DSE: variants seen among roughly 807,000 people sequenced by gnomAD.
DSE encodes dermatan-sulfate epimerase.
DSE carries 36 observed loss-of-function variants against 84.4 expected under a neutral mutation model. The ratio of observed to expected loss-of-function variants is 0.43; its 90% CI spans 0.33 to 0.56. The LOEUF (loss-of-function observed/expected upper bound fraction) is 0.56. Ranked by LOEUF, DSE falls within the 20% of genes least tolerant of loss-of-function variation. The probability of loss-of-function intolerance (pLI) is 0.06; values close to 1 mark genes in which losing one functional copy is unlikely to be tolerated. For missense variants in DSE, 862 were observed against 1,169.6 expected, an observed-to-expected ratio of 0.74 and a Z score of 3.84; for synonymous variants, 410 against 430.1, an observed-to-expected ratio of 0.95 and a Z score of 0.58.
chr6:116,309,546 A>ATTTGGTTT (rs1775546801), intron 2 of DSE, among the ~76,000 whole-genome samples: 2 of 152,236 alleles, frequency 1.3e-5, no homozygotes, highest in Admixed American at 6.5e-5. Flanking sequence ...CCCAAATATA[A>ATTTGGTTT]AAATAACACA....
At chr6:116,330,238 A>G (rs922857737) in intron 2 of DSE, among the ~76,000 whole-genome samples, 1 of 152,214 alleles carries the variant, frequency 6.6e-6, no homozygotes, top group African/African-American at 2.4e-5. Context: ...GAATAAATGA[A>G]AACTTTCACT....
chr6:116,360,320 T>C (rs1010800527), intron 2 of DSE, among the ~76,000 whole-genome samples: 1 of 152,180 alleles, frequency 6.6e-6, no homozygotes, highest in African/African-American at 2.4e-5. Flanking sequence ...AAACACATCC[T>C]GCACATGTAC....
intron 1 of DSE, chr6:116,257,462 C>T (rs2114587370): frequency 6.6e-6 from 1 of 152,328 alleles, no homozygotes; most frequent in East Asian, 1.9e-4. Flanking sequence ...TAATGTTGAA[C>T]TTTCTTCTTT....
Position 116,436,509 on chromosome 6 carries a change from C to G in DSE, c.2041C>G (p.Gln681Glu), listed in dbSNP as rs139942074. ...GAGCTTCACTGTCCACGGAGACTCTCAGCAACTGGATGTGTTCATAGCCAC... is the reference window on the plus strand; with the variant it reads ...GAGCTTCACTGTCCACGGAGACTCTGAGCAACTGGATGTGTTCATAGCCAC... Reference protein sequence around the residue: ...VQSFTVHGDSQQLDVFIATSK... With the variant: ...VQSFTVHGDSEQLDVFIATSK... Residue 681 changes from glutamine (Q) to glutamate (E), a missense_variant, in exon 6 of 6, where the codon CAG becomes GAG. By Grantham distance (29) the Gln-to-Glu change is conservative. Transcript: ENST00000644252. The G allele has an allele frequency of 1.9e-6, 3 of 1,614,056 alleles. No homozygotes were observed. The African/African-American group carries it at 4.0e-5, about 22-fold the overall frequency.
At chr6:116,341,337 C>T (rs554525757) in intron 2 of DSE, among the ~76,000 whole-genome samples, 6 of 152,128 alleles carry the variant, frequency 3.9e-5, no homozygotes, top group East Asian at 3.9e-4. Flanking sequence ...TAATTTTTTT[C>T]GTGTAAATTT....
Position 116,315,170 on chromosome 6 carries a change from A to G in DSE, c.-54+56203A>G, listed in dbSNP as rs1048223689. Among the ~76,000 whole-genome samples, 7 of 152,254 alleles carry G rather than the reference A, an allele frequency of 4.6e-5. No individual in the cohort carries two copies. In the East Asian group the frequency reaches 1.4e-3, roughly 29 times the overall value. On this transcript the variant is annotated intron_variant, in intron 2 of 3. Coordinates refer to the DSE transcript ENST00000430252. ...CAGTACAATGAAGGAATAGCCACTA[A>G]CACTTACTGAACATTATGTGCCAGG...
rs1443648673 is a variant in DSE, at chr6:116,280,002, GGTTCCGCC to G, written c.-54+21037_-54+21044del. 4.4e-6 allele frequency: 4 copies of G among 901,118 alleles called. No homozygotes were observed. In the East Asian group the frequency reaches 7.9e-5, roughly 18 times the overall value. The allele number at this position is 901,118 out of a possible 1,614,324, so 55.8% of individuals were successfully genotyped here. A position where few individuals can be genotyped will look rare whatever the true frequency, so the allele number is the denominator to read the frequency against. On this transcript the variant is annotated intron_variant, in intron 2 of 3. Transcript: ENST00000430252. ...GCGAGAACTTGCTGAGCCCGGGATT[GGTTCCGCC>G]GCTCCCTGCCAGCCAACCGGATTCT...
At chr6:116,414,393 A>C (rs1321810901) in intron 2 of DSE, among the ~76,000 whole-genome samples, 1 of 149,700 alleles carries the variant, frequency 6.7e-6, no homozygotes, top group African/African-American at 2.5e-5. Context: ...CATAATTTTA[A>C]TGAGTGGAAT....
In DSE at chr6:116,399,338, G is replaced by A; in HGVS notation, c.88G>A (p.Glu30Lys). ...AGCCTACATCACCGACGAGAACCCA[G>A]AAGTTATGATTCCCTTCACCAATGC... ...VSAYITDENP[E>K]VMIPFTNANY... is the part of the protein sequence containing the mutation. The change falls in exon 2 of 6, where the codon GAA becomes AAA. Residue 30 changes from glutamate (E) to lysine (K), a missense_variant. Around this residue, in one of 4 missense-constraint regions of DSE, gnomAD observed 52 missense variants for 49.6 expected, o/e 1.05. Transcript: ENST00000644252. 3.7e-6 allele frequency: 6 copies of A among 1,614,062 alleles called. No homozygotes were observed. The highest frequency in any genetic ancestry group is 4.2e-6 in the Non-Finnish European group (5 of 1,180,038).
At chr6:116,271,972 C>T (rs1030003401) in intron 2 of DSE, among the ~76,000 whole-genome samples, 3 of 152,172 alleles carry the variant, frequency 2.0e-5, no homozygotes, top group African/African-American at 2.4e-5. Flanking sequence ...CAAGCTTTAC[C>T]GTTACTCCCC....
At chr6:116,261,977 T>C (rs1254724828) in intron 2 of DSE, among the ~76,000 whole-genome samples, 1 of 152,202 alleles carries the variant, frequency 6.6e-6, no homozygotes, top group Non-Finnish European at 1.5e-5. Flanking sequence ...CTTTTTGATG[T>C]GCGGCTGGAT....
At position 116,298,245 on chromosome 6, in the gene DSE, A is replaced by T. The variant is rs560952709; in HGVS notation, c.-54+39278A>T. Among the ~76,000 whole-genome samples the T allele has an allele frequency of 2.4e-4, 37 of 152,312 alleles. 1 individual carries two copies. In the South Asian group the frequency reaches 7.5e-3, roughly 31 times the overall value. ...CCCCCAGGAAAGATGTCCATGTTCT[A>T]GTCTTCATAACCTGTGAATATGCTG... On this transcript the variant is annotated intron_variant, in intron 2 of 3. Coordinates refer to the DSE transcript ENST00000430252.
chr6:116,415,674 T>C (rs1282097887), intron 2 of DSE, among the ~76,000 whole-genome samples: 2 of 152,068 alleles, frequency 1.3e-5, no homozygotes, highest in African/African-American at 2.4e-5. Flanking sequence ...CTTCAACTTT[T>C]CTCCCCAGCC....
intron 2 of DSE, 109 bp from the exon 3 acceptor site, chr6:116,426,465 G>C: frequency 7.0e-7 from 1 of 1,433,826 alleles, no homozygotes; most frequent in South Asian, 1.4e-5. Flanking sequence ...TAAGCCCTTG[G>C]ATTATATCTT....
intron 1 of DSE, among the ~76,000 whole-genome samples, chr6:116,380,198 A>G (rs1216083423): frequency 4.6e-5 from 7 of 152,122 alleles, no homozygotes; most frequent in Non-Finnish European, 1.5e-5. Flanking sequence ...TTAGTGATAG[A>G]CATACTGAAA....
chr6:116,399,492 G>A lies in DSE; in HGVS notation c.242G>A (p.Ser81Asn). ...LTEAVHTMLS[S>N]PLEYLPPWDP... Reference sequence around the variant, plus strand: ...GAGGCTGTGCACACGATGCTGTCCAGCCCCTTGGAATACCTCCCTCCCTGG... The same window carrying A: ...GAGGCTGTGCACACGATGCTGTCCAACCCCTTGGAATACCTCCCTCCCTGG... The change falls in exon 2 of 6, where the codon AGC becomes AAC. Residue 81 changes from serine (S) to asparagine (N), a missense_variant. Physicochemically the swap from Ser to Asn is conservative, Grantham distance 46 (BLOSUM62 1). Around this residue, in one of 4 missense-constraint regions of DSE, gnomAD observed 309 missense variants for 516.9 expected, o/e 0.60. Coordinates refer to ENST00000644252, the MANE Select transcript of DSE (RefSeq NM_013352.4). 6.2e-7 allele frequency: 1 copy of A among 1,614,190 alleles called. No homozygotes were observed. The highest frequency in any genetic ancestry group is 1.6e-4 in the Middle Eastern group (1 of 6,062).
intron 2 of DSE, among the ~76,000 whole-genome samples, chr6:116,298,481 G>C (rs564549491): frequency 8.5e-5 from 13 of 152,084 alleles, no homozygotes; most frequent in Non-Finnish European, 1.6e-4. Context: ...CAGAGGACGG[G>C]GCCACTAGCC....
chr6:116,288,886 T>A (rs937731946), intron 2 of DSE, among the ~76,000 whole-genome samples: 3 of 151,648 alleles, frequency 2.0e-5, no homozygotes, highest in Non-Finnish European at 4.4e-5. Flanking sequence ...TTTATAAGAG[T>A]CTTAAGGGAA....
Position 116,328,407 on chromosome 6 carries a change from G to A in DSE, c.-54+69440G>A, listed in dbSNP as rs959678352. Among the ~76,000 whole-genome samples the A allele has an allele frequency of 9.2e-5, 14 of 152,268 alleles. No individual in the cohort carries two copies. The East Asian group carries it at 2.3e-3, about 25-fold the overall frequency. On this transcript the variant is annotated intron_variant, in intron 2 of 3. Transcript: ENST00000430252. ...TTCTCATACGTTTCCTTTCTGGACC[G>A]AGGAGACTGTGCACATATTGAGCAG...
Sources: allele counts gnomAD v4.1 joint callset (sites outside exome capture counted in the v4.1 genomes callset), GRCh38; gene constraint gnomAD v4.1.1; regional missense constraint gnomAD v4.1.1; transcripts MANE v1.5; gene names NCBI Gene and HGNC (gene_info 2026-07-23, HGNC 2026-07-21).